CEP72: variants seen among roughly 807,000 people sequenced by gnomAD.
CEP72 encodes centrosomal protein of 72 kDa.
CEP72 carries 78 observed loss-of-function variants against 65.7 expected under a neutral mutation model. That is an observed-to-expected ratio of 1.19 (90% CI 0.99 to 1.43). CEP72 has a LOEUF of 1.43. CEP72 is among the 40% of genes most tolerant of loss of function. CEP72 has a pLI of 0.00. For synonymous variants in CEP72, 358 were observed against 351.7 expected (o/e 1.02, Z -0.20); for missense variants, 914 against 832.9 (o/e 1.10, Z -1.20).
chr5:674,353 G>T, the CEP72 span, among the ~76,000 whole-genome samples: 2 of 152,198 alleles, frequency 1.3e-5, no homozygotes, highest in Non-Finnish European at 2.9e-5. Flanking sequence ...AGCACTGGGG[G>T]GCACAGGGGC....
chr5:650,908 T>C (rs62650530), intron 11 of CEP72, among the ~76,000 whole-genome samples: 39 of 90 alleles, frequency 0.43, 18 homozygotes, highest in Non-Finnish European at 0.5. Flanking sequence ...GACTGTGAGG[T>C]GTGGACTGTG....
chr5:645,892 G>A lies in CEP72; in HGVS notation c.1666+1467G>A, dbSNP rs963222525. ...CTGTGTGAGCGTCACTCCTGCTCCC[G>A]TCGGCGGCCTGTGTGGACGGTGAAT... On this transcript the variant is annotated intron_variant, in intron 10 of 11. Coordinates refer to ENST00000264935, the MANE Select transcript of CEP72 (RefSeq NM_018140.4). This position sits in a 1 kb window ranked among gnomAD's most constrained non-coding sequence, Gnocchi z 4.0. Among the ~76,000 whole-genome samples the A allele has an allele frequency of 9.9e-5, 15 of 151,156 alleles. No homozygotes were observed. The highest frequency in any genetic ancestry group is 3.9e-4 in the East Asian group (2 of 5,126).
intron 1 of CEP72, among the ~76,000 whole-genome samples, chr5:618,288 A>G (rs1314610959): frequency 6.6e-6 from 1 of 152,104 alleles, no homozygotes; most frequent in Non-Finnish European, 1.5e-5. Flanking sequence ...TGATATTCCA[A>G]CTCCAAAGGA....
intron 1 of CEP72, among the ~76,000 whole-genome samples, chr5:618,616 T>G (rs573487910): frequency 6.6e-6 from 1 of 151,978 alleles, no homozygotes; most frequent in Non-Finnish European, 1.5e-5. Context: ...GGGGGGAGTT[T>G]ATAGCCTAGG....
intron 2 of CEP72, 103 bp from the exon 3 acceptor site, chr5:619,966 A>G: frequency 1.1e-6 from 1 of 873,024 alleles, no homozygotes; most frequent in East Asian, 2.6e-5. Flanking sequence ...AGTTATTGCA[A>G]ATAAGTTTAT....
chr5:635,846 C>T (rs1579979253), intron 6 of CEP72, among the ~76,000 whole-genome samples: 1 of 152,388 alleles, frequency 6.6e-6, no homozygotes. Context: ...TCCTGCCTCC[C>T]TGCGGGCTGG....
intron 6 of CEP72, among the ~76,000 whole-genome samples, chr5:636,525 A>G (rs957225599): frequency 6.6e-6 from 1 of 152,228 alleles, no homozygotes; most frequent in African/African-American, 2.4e-5. Context: ...TCCTGCCGTG[A>G]GCAGGCCAGA....
chr5:622,757 C>A (rs1319510257), intron 3 of CEP72, among the ~76,000 whole-genome samples: 2 of 149,992 alleles, frequency 1.3e-5, no homozygotes, highest in East Asian at 3.9e-4. Context: ...ACAATGGACC[C>A]CCCCAAGACA....
At chr5:661,230 C>T (rs1317013568), downstream of CEP72, 1 of 152,132 alleles carries the variant, frequency 6.6e-6, no homozygotes, top group Non-Finnish European at 1.5e-5. Flanking sequence ...CAGAACCTGT[C>T]CCTCTCTCCT....
At chr5:634,906 T>G (rs1216432006) in intron 5 of CEP72, among the ~76,000 whole-genome samples, 1 of 152,230 alleles carries the variant, frequency 6.6e-6, no homozygotes, top group African/African-American at 2.4e-5. Flanking sequence ...TTTTGTTTTG[T>G]TTATTTTGAG....
chr5:644,760 C>T (rs369028750), intron 10 of CEP72, among the ~76,000 whole-genome samples: 1 of 152,166 alleles, frequency 6.6e-6, no homozygotes, highest in Non-Finnish European at 1.5e-5. Context: ...TCCTGTCTGG[C>T]GTCCTCCCAT....
At position 624,452 on chromosome 5, in the gene CEP72, G is replaced by C. The variant is rs758587244; in HGVS notation, c.404-19G>C. 2 of 1,598,254 alleles carry C rather than the reference G, an allele frequency of 1.3e-6. No homozygotes were observed. The highest frequency in any genetic ancestry group is 1.7e-6 in the Non-Finnish European group (2 of 1,165,426). ...CGCCGCTTGCCACCTGCACAGTCTT[G>C]TGTGGCCTTTTCTTCTAGACGATCG... On this transcript the variant is annotated intron_variant, in intron 3 of 11. Coordinates refer to ENST00000264935, the MANE Select transcript of CEP72 (RefSeq NM_018140.4). This position sits in a 1 kb window ranked among gnomAD's most constrained non-coding sequence, Gnocchi z 4.7.
chr5:660,540 C>T (rs1339963076), downstream of CEP72: 1 of 152,458 alleles, frequency 6.6e-6, no homozygotes, highest in Admixed American at 6.5e-5. Context: ...CATCTTCCCC[C>T]TGTGCCATCC....
At chr5:641,058 C>T (rs1737980808) in intron 9 of CEP72, 1 of 985,346 alleles carries the variant, frequency 1.0e-6, no homozygotes, top group South Asian at 4.7e-5. Context: ...CATTTATCAC[C>T]TTGGATTTCT....
downstream of CEP72, among the ~76,000 whole-genome samples, chr5:655,223 G>A (rs1739341948): frequency 6.6e-6 from 1 of 152,102 alleles, no homozygotes; most frequent in African/African-American, 2.4e-5. The surrounding 1 kb of genome is among the most constrained non-coding windows in gnomAD (Gnocchi z 5.0). Flanking sequence ...GCTGGGCATG[G>A]TGGTGGGCAC....
Position 643,857 on chromosome 5 carries a change from G to C in CEP72, c.1540-442G>C, listed in dbSNP as rs538508684. On this transcript the variant is annotated intron_variant, in intron 9 of 11. Transcript: ENST00000264935. ...TCTCCATACTTTGAGGATATGAAAGGAGCCAGAACAGAAGGGGGTTCCTGC... is the reference window on the plus strand; with the variant it reads ...TCTCCATACTTTGAGGATATGAAAGCAGCCAGAACAGAAGGGGGTTCCTGC... Among the ~76,000 whole-genome samples the C allele has an allele frequency of 3.3e-5, 5 of 152,332 alleles. No homozygotes were observed. In the East Asian group the frequency reaches 9.6e-4, roughly 29 times the overall value.
chr5:652,953 A>G (rs778865010), intron 11 of CEP72, 35 bp from the exon 12 acceptor site: 4 of 1,568,744 alleles, frequency 2.5e-6, no homozygotes, highest in East Asian at 2.3e-5. Flanking sequence ...GAGAGGACGG[A>G]AGTGCCAAGC....
intron 1 of CEP72, among the ~76,000 whole-genome samples, chr5:617,982 T>C (rs2458810): frequency 0.63 from 95,214 of 151,408 alleles, 30,081 homozygotes; most frequent in Non-Finnish European, 0.66. Context: ...TTGTAATTAA[T>C]GTTGATGTAG....
intron 9 of CEP72, chr5:641,318 C>T (rs1314771057): frequency 1.0e-6 from 1 of 985,302 alleles, no homozygotes; most frequent in African/African-American, 1.7e-5. Flanking sequence ...CAGGCAGAAG[C>T]CGCCCTCCGG....
Sources: allele counts gnomAD v4.1 joint callset (sites outside exome capture counted in the v4.1 genomes callset), GRCh38; gene constraint gnomAD v4.1.1; non-coding constraint Gnocchi (gnomAD v3.1); transcripts MANE v1.5; gene names NCBI Gene and HGNC (gene_info 2026-07-23, HGNC 2026-07-21).